The following AKNA variants were observed in gnomAD, a reference collection of about 807,000 sequenced individuals.
AKNA encodes AT-hook transcription factor.
Under a neutral mutation model 138.8 loss-of-function variants are expected in AKNA, and 67 were observed. The observed-to-expected ratio is 0.48, with a 90% CI of 0.40 to 0.59. The LOEUF is 0.59. AKNA is among the 20% of genes least tolerant of loss of function. AKNA has a pLI of 0.00. For synonymous variants in AKNA, 737 were observed against 754.4 expected (o/e 0.98, Z 0.38); for missense variants, 1,813 against 1,880.4 (o/e 0.96, Z 0.66).
chr9:114,389,205 G>A (rs73656099), upstream of AKNA, among the ~76,000 whole-genome samples: 4,225 of 152,124 alleles, frequency 0.028, 211 homozygotes, highest in African/African-American at 0.097. Context: ...AGCAAGGCCT[G>A]TGTACCCGGG....
upstream of AKNA, among the ~76,000 whole-genome samples, chr9:114,388,351 G>A (rs1002260014): frequency 6.6e-6 from 1 of 152,192 alleles, no homozygotes; most frequent in South Asian, 2.1e-4. Context: ...CTTCAACCAC[G>A]GCCTGACCTT....
intron 13 of AKNA, 134 bp downstream of exon 13, chr9:114,356,729 C>T (rs1218130354): frequency 6.7e-5 from 52 of 776,928 alleles, no homozygotes; most frequent in South Asian, 2.1e-4. Flanking sequence ...CAAGAAATCA[C>T]GGTTAGGGGA....
At chr9:114,365,675 T>A (rs1347895910) in intron 6 of AKNA, among the ~76,000 whole-genome samples, 1 of 152,192 alleles carries the variant, frequency 6.6e-6, no homozygotes, top group African/African-American at 2.4e-5. Flanking sequence ...TAAAATTAAT[T>A]TTTATATTTT....
In AKNA at chr9:114,377,245, C is replaced by T. The variant is rs749827404; in HGVS notation, c.562G>A (p.Glu188Lys). The stretch of plus-strand genomic sequence containing the variant: ...CTGAGTTCAACGGATGGGTTGACCT[C>T]GGAATGTTCAGAAAGTTTGTCCCCA... Reference protein sequence around the residue: ...ASGDKLSEHSEVNPSVELSPA... With the variant: ...ASGDKLSEHSKVNPSVELSPA... Residue 188 changes from glutamate to lysine, a missense_variant, in exon 3 of 22, where the codon GAG becomes AAG. Transcript: ENST00000374088. 8.1e-6 allele frequency: 13 copies of T among 1,614,060 alleles called. No individual in the cohort carries two copies. Among genetic ancestry groups the T allele is most frequent in the Admixed American group, 5.0e-5 (3 of 59,996 alleles).
At chr9:114,359,500 A>AAG (rs1831760698) in intron 11 of AKNA, 94 bp downstream of exon 11, 8 of 1,596,828 alleles carry the variant, frequency 5.0e-6, no homozygotes, top group Non-Finnish European at 5.1e-6. Context: ...CCATGTCTAA[A>AAG]CTGTGAAGCG....
Position 114,367,704 on chromosome 9 carries a change from T to C in AKNA, c.1574-7A>G. 1.3e-6 allele frequency: 2 copies of C among 1,551,340 alleles called. No homozygotes were observed. Among genetic ancestry groups the C allele is most frequent in the Non-Finnish European group, 1.8e-6 (2 of 1,142,786 alleles). On this transcript the variant is annotated splice_region_variant and splice_polypyrimidine_tract_variant and intron_variant, in intron 5 of 21. Transcript: ENST00000374088. Reference sequence around the variant, plus strand: ...CCTCGAGCTGATGGCCACCCTGGAATACACAACTGCTGAAAGCTGGGGCCA... The same window carrying C: ...CCTCGAGCTGATGGCCACCCTGGAACACACAACTGCTGAAAGCTGGGGCCA...
downstream of AKNA, chr9:114,330,995 A>C: frequency 1.5e-6 from 1 of 684,944 alleles, no homozygotes; most frequent in Non-Finnish European, 2.5e-6. Context: ...AGCTCTTACC[A>C]CGTGCTCAGA....
chr9:114,380,857 C>T (rs1306307594), intron 2 of AKNA, among the ~76,000 whole-genome samples: 2 of 151,400 alleles, frequency 1.3e-5, no homozygotes, highest in Non-Finnish European at 2.9e-5. Flanking sequence ...GTGGCGCATG[C>T]CTGTAATCCC....
At chr9:114,369,684 C>G (rs1301504920) in intron 4 of AKNA, among the ~76,000 whole-genome samples, 1 of 150,762 alleles carries the variant, frequency 6.6e-6, no homozygotes, top group East Asian at 1.9e-4. Flanking sequence ...CCATCAGCAT[C>G]ACCATCAGCA....
chr9:114,379,809 A>G (rs1833506382), intron 2 of AKNA, among the ~76,000 whole-genome samples: 1 of 152,230 alleles, frequency 6.6e-6, no homozygotes, highest in Non-Finnish European at 1.5e-5. Flanking sequence ...CAGCTATTGT[A>G]GAAAACAAGA....
At chr9:114,352,936 T>A (rs1311999757) in intron 14 of AKNA, among the ~76,000 whole-genome samples, 1 of 150,212 alleles carries the variant, frequency 6.7e-6, no homozygotes, top group African/African-American at 2.5e-5. Flanking sequence ...AAAAAAAAGA[T>A]GAACCTTTTA....
intron 6 of AKNA, 46 bp from the exon 7 acceptor site, chr9:114,364,665 T>C (rs761472898): frequency 1.9e-6 from 3 of 1,590,480 alleles, no homozygotes; most frequent in South Asian, 1.1e-5. Flanking sequence ...AATCCAGTCC[T>C]GTAGACTCCC....
intron 12 of AKNA, among the ~76,000 whole-genome samples, chr9:114,357,556 CATGCATATAT>C (rs145115116): frequency 0.012 from 1,886 of 152,214 alleles, 30 homozygotes; most frequent in African/African-American, 0.043. Context: ...AGTGCACATG[CATGCATATAT>C]ATGCATTATT....
chr9:114,333,902 C>G (rs1443982332), downstream of AKNA, among the ~76,000 whole-genome samples: 1 of 149,884 alleles, frequency 6.7e-6, no homozygotes, highest in African/African-American at 2.5e-5. Flanking sequence ...GGAGGCGGGT[C>G]CTGCTGGGAG....
At chr9:114,388,450 ACT>A (rs1211743657), upstream of AKNA, among the ~76,000 whole-genome samples, 2 of 151,850 alleles carry the variant, frequency 1.3e-5, no homozygotes, top group African/African-American at 4.8e-5. Context: ...TCCAGCTCTG[ACT>A]CTGCCAATGT....
At chr9:114,376,383 C>T in intron 3 of AKNA, 83 bp downstream of exon 3, 7 of 1,360,808 alleles carry the variant, frequency 5.1e-6, no homozygotes, top group South Asian at 1.2e-5. Flanking sequence ...AGCCTCTACT[C>T]CAGGCCTCCC....
intron 12 of AKNA, 83 bp downstream of exon 12, chr9:114,357,838 A>G (rs1230433670): frequency 2.6e-6 from 4 of 1,564,352 alleles, no homozygotes; most frequent in Non-Finnish European, 3.4e-6. Context: ...GAATAGCACA[A>G]GGAAAGACCC....
chr9:114,347,775 G>A lies in AKNA; in HGVS notation c.3347C>T (p.Thr1116Ile). 3 of 1,545,524 alleles carry A rather than the reference G, an allele frequency of 1.9e-6. No homozygotes were observed. The highest frequency in any genetic ancestry group is 2.6e-6 in the Non-Finnish European group (3 of 1,144,384). The change falls in exon 16 of 22, where the codon ACC becomes ATC. Residue 1116 changes from threonine to isoleucine, a missense_variant. Coordinates refer to ENST00000374088, the MANE Select transcript of AKNA (RefSeq NM_001317950.2). Reference sequence around the variant, plus strand: ...TGGGGAGTCTGCTGGCCGGCCGCGGGTCCGGGCGGGGCGGTCAAAGGCAGA... The same window carrying A: ...TGGGGAGTCTGCTGGCCGGCCGCGGATCCGGGCGGGGCGGTCAAAGGCAGA... ...PASAFDRPARTRGRPADSPAT... is the reference protein window; with the variant it reads ...PASAFDRPARIRGRPADSPAT...
At chr9:114,389,223 G>T (rs908555200), upstream of AKNA, among the ~76,000 whole-genome samples, 17 of 152,004 alleles carry the variant, frequency 1.1e-4, no homozygotes, top group African/African-American at 4.1e-4. Context: ...GGGGCAGAGC[G>T]AGTCAAGCGG....
Sources: allele counts gnomAD v4.1 joint callset (sites outside exome capture counted in the v4.1 genomes callset), GRCh38; gene constraint gnomAD v4.1.1; transcripts MANE v1.5; gene names NCBI Gene and HGNC (gene_info 2026-07-23, HGNC 2026-07-21).